The following CNGB1 variants were observed in gnomAD, a reference collection of about 807,000 sequenced individuals.
CNGB1 encodes cyclic nucleotide gated channel subunit beta 1.
In CNGB1, 126 loss-of-function variants were observed where a neutral mutation model predicts 151.7. That is an observed-to-expected ratio of 0.83 (90% CI 0.72 to 0.96). The LOEUF is 0.96. Among genes scored for constraint, CNGB1 ranks in the 40% least tolerant of loss-of-function variants. CNGB1 has a pLI of 0.00. For missense variants in CNGB1, 1,698 were observed against 1,627.0 expected (o/e 1.04, Z -0.75); for synonymous variants, 623 against 635.1 (o/e 0.98, Z 0.29).
Position 57,931,838 on chromosome 16 carries a change from A to G in CNGB1, c.1413T>C (p.Asp471=). 18 of 1,614,160 alleles carry G rather than the reference A, an allele frequency of 1.1e-5. No homozygotes were observed. The highest frequency in any genetic ancestry group is 1.5e-5 in the Non-Finnish European group (18 of 1,180,026). The change falls in exon 17 of 33, where the codon GAT becomes GAC. Residue 471 remains aspartate, a synonymous_variant. Coordinates refer to ENST00000251102, the MANE Select transcript of CNGB1 (RefSeq NM_001297.5). ...TKQHPEVQVE[D]TDADSCPLMA... The stretch of plus-strand genomic sequence containing the variant: ...TGAGGGGGCAGCTATCAGCATCAGT[A>G]TCTTCCACCTGCACTTCTGGGTGCT...
At chr16:57,903,139 G>A (rs1001009382) in intron 27 of CNGB1, among the ~76,000 whole-genome samples, 1 of 151,608 alleles carries the variant, frequency 6.6e-6, no homozygotes, top group Admixed American at 6.6e-5. Context: ...GAGGGAAGGA[G>A]GGAGAGAGAG....
chr16:57,885,502 CTTCT>C (rs1370223341), intron 32 of CNGB1, among the ~76,000 whole-genome samples: 3 of 149,686 alleles, frequency 2.0e-5, no homozygotes, highest in Non-Finnish European at 4.4e-5. Flanking sequence ...TCTTTCTTTC[CTTCT>C]TTCCTTCCTT....
chr16:57,939,030 G>A (rs935740162), intron 16 of CNGB1, among the ~76,000 whole-genome samples: 2 of 152,184 alleles, frequency 1.3e-5, no homozygotes, highest in Admixed American at 6.5e-5. Flanking sequence ...CTCACTGGGC[G>A]GTAGCCCAAG....
intron 16 of CNGB1, among the ~76,000 whole-genome samples, chr16:57,932,400 CTTTTTTT>C (rs36048770): frequency 8.0e-6 from 1 of 124,502 alleles, no homozygotes; most frequent in Non-Finnish European, 1.7e-5. Flanking sequence ...CTTAAAGATT[CTTTTTTT>C]TTTTTTTTTT....
At chr16:57,956,018 C>T (rs936004385) in intron 12 of CNGB1, among the ~76,000 whole-genome samples, 2 of 152,220 alleles carry the variant, frequency 1.3e-5, no homozygotes, top group Admixed American at 6.5e-5. Flanking sequence ...GAGCCTGCCC[C>T]CATGGCCACC....
intron 25 of CNGB1, among the ~76,000 whole-genome samples, 158 bp downstream of exon 25, chr16:57,911,595 G>A (rs1960711798): frequency 6.6e-6 from 1 of 152,232 alleles, no homozygotes; most frequent in Admixed American, 6.5e-5. Context: ...GGCCCAAGAT[G>A]TGGCTCTTGA....
chr16:57,919,584 C>T (rs576626661), intron 19 of CNGB1, among the ~76,000 whole-genome samples: 2 of 152,270 alleles, frequency 1.3e-5, no homozygotes, highest in South Asian at 4.1e-4. Flanking sequence ...GCTTAGACCC[C>T]CTTTGTTCCC....
At chr16:57,920,625 G>A in intron 18 of CNGB1, 81 bp from the exon 19 acceptor site, 2 of 1,556,454 alleles carry the variant, frequency 1.3e-6, no homozygotes, top group South Asian at 1.1e-5. Flanking sequence ...TGCAGCGTCT[G>A]TGTCCCACCT....
chr16:57,941,122 T>C (rs1340425281), intron 14 of CNGB1, among the ~76,000 whole-genome samples: 1 of 152,204 alleles, frequency 6.6e-6, no homozygotes, highest in Non-Finnish European at 1.5e-5. Context: ...CAAATTAATA[T>C]ATCTTTATTA....
intron 12 of CNGB1, among the ~76,000 whole-genome samples, chr16:57,952,020 G>A (rs186969515): frequency 4.6e-5 from 7 of 152,326 alleles, no homozygotes; most frequent in Admixed American, 1.3e-4. Context: ...CCCTGAATCC[G>A]GTGGTGGGAC....
In CNGB1 at chr16:57,920,555, A is replaced by G. The variant is rs544299281; in HGVS notation, c.1644-11T>C. The G allele has an allele frequency of 6.2e-7, 1 of 1,611,376 alleles. No individual in the cohort carries two copies. The highest frequency in any genetic ancestry group is 2.2e-5 in the East Asian group (1 of 44,870). ...GCACGGTCCTGGCCACTGTGGGAACATCACCCAAAGCTGAGCAGGCTGAGC... is the reference window on the plus strand; with the variant it reads ...GCACGGTCCTGGCCACTGTGGGAACGTCACCCAAAGCTGAGCAGGCTGAGC... On this transcript the variant is annotated splice_polypyrimidine_tract_variant and intron_variant, in intron 18 of 32. Coordinates refer to ENST00000251102, the MANE Select transcript of CNGB1 (RefSeq NM_001297.5).
At chr16:57,913,957 C>T (rs1226577558) in intron 23 of CNGB1, among the ~76,000 whole-genome samples, 3 of 152,242 alleles carry the variant, frequency 2.0e-5, no homozygotes, top group Non-Finnish European at 4.4e-5. Context: ...TGCAAGCTCT[C>T]TCCTTATGCT....
chr16:57,967,080 C>T, intron 2 of CNGB1, 48 bp downstream of exon 2: 2 of 1,613,362 alleles, frequency 1.2e-6, no homozygotes, highest in Non-Finnish European at 1.7e-6. Context: ...ACTGGGAAGA[C>T]CCTGAGCAGC....
At chr16:57,943,731 G>A (rs904578658) in intron 14 of CNGB1, among the ~76,000 whole-genome samples, 4 of 152,144 alleles carry the variant, frequency 2.6e-5, no homozygotes, top group African/African-American at 2.4e-5. Flanking sequence ...CACACTGTTG[G>A]TGGGATTGTA....
In CNGB1 at chr16:57,884,148, T is replaced by A; in HGVS notation, c.*16A>T. Reference sequence around the variant, plus strand: ...ACACCTGCTGGAACTGCGCGCGGGATCCGCCTCACCCCACCTTACTCCGCC... The same window carrying A: ...ACACCTGCTGGAACTGCGCGCGGGAACCGCCTCACCCCACCTTACTCCGCC... On this transcript the variant is annotated 3_prime_UTR_variant, in exon 33 of 33. Coordinates refer to ENST00000251102, the MANE Select transcript of CNGB1 (RefSeq NM_001297.5). 1 of 1,613,842 alleles carries A rather than the reference T, an allele frequency of 6.2e-7. No homozygotes were observed. The highest frequency in any genetic ancestry group is 8.5e-7 in the Non-Finnish European group (1 of 1,179,840).
intron 12 of CNGB1, among the ~76,000 whole-genome samples, chr16:57,956,435 A>G (rs1055852439): frequency 1.3e-5 from 2 of 152,100 alleles, no homozygotes; most frequent in African/African-American, 2.4e-5. Flanking sequence ...CCTCTCCATC[A>G]GACCTGAGCT....
rs1597011314 is a variant in CNGB1 at position 57,958,331 on chromosome 16, A to T, written c.837+79T>A. On this transcript the variant is annotated intron_variant, in intron 11 of 32. Coordinates refer to ENST00000251102, the MANE Select transcript of CNGB1 (RefSeq NM_001297.5). ...GAGCTGGGCTTCTGCCACAGGGCCA[A>T]CCATCCTCCTCCTTACCCAAGTTCC... 3.3e-6 allele frequency: 3 copies of T among 911,776 alleles called. No homozygotes were observed. In the South Asian group the frequency reaches 4.9e-5, roughly 15 times the overall value. The allele number at this position is 911,776 out of a possible 1,614,324, so 56.5% of individuals were successfully genotyped here. A position where few individuals can be genotyped will look rare whatever the true frequency, so the allele number is the denominator to read the frequency against.
At chr16:57,885,033 G>C (rs1289213204) in intron 32 of CNGB1, among the ~76,000 whole-genome samples, 1 of 152,196 alleles carries the variant, frequency 6.6e-6, no homozygotes, top group Non-Finnish European at 1.5e-5. Flanking sequence ...GTGGGGACCT[G>C]ATGGATACCT....
At chr16:57,941,121 A>T (rs1961656851) in intron 14 of CNGB1, among the ~76,000 whole-genome samples, 2 of 152,182 alleles carry the variant, frequency 1.3e-5, no homozygotes, top group South Asian at 2.1e-4. Context: ...TCAAATTAAT[A>T]TATCTTTATT....
Sources: allele counts gnomAD v4.1 joint callset (sites outside exome capture counted in the v4.1 genomes callset), GRCh38; gene constraint gnomAD v4.1.1; transcripts MANE v1.5; gene names NCBI Gene and HGNC (gene_info 2026-07-23, HGNC 2026-07-21).